The following DMD variants were observed in gnomAD, a reference collection of about 807,000 sequenced individuals.
DMD encodes dystrophin.
In DMD, 63 loss-of-function variants were observed where a neutral mutation model predicts 330.1. The observed-to-expected ratio is 0.19, with a 90% CI of 0.16 to 0.24. The LOEUF (loss-of-function observed/expected upper bound fraction) is 0.24, where lower values mean the gene tolerates loss of function less well. DMD is among the 10% of genes least tolerant of loss of function. The probability of loss-of-function intolerance (pLI) is 1.00; values close to 1 mark genes in which losing one functional copy is unlikely to be tolerated. For synonymous variants in DMD, 1,223 were observed against 959.8 expected (o/e 1.27, Z -5.07); for missense variants, 3,344 against 2,684.1 (o/e 1.25, Z -5.43).
chrX:31,724,617 C>T (rs1476427456), intron 52 of DMD, among the ~76,000 whole-genome samples: 1 of 111,695 alleles, frequency 9.0e-6, no homozygotes, highest in African/African-American at 3.3e-5. Flanking sequence ...TTTCAGAAGT[C>T]CTTCCCTTGG....
intron 12 of DMD, among the ~76,000 whole-genome samples, chrX:32,605,581 C>CAA (rs200645650): frequency 1.8e-5 from 2 of 108,680 alleles, no homozygotes; most frequent in Non-Finnish European, 3.9e-5. Context: ...AACAAACAAA[C>CAA]AAAAAAACAA....
intron 6 of DMD, among the ~76,000 whole-genome samples, chrX:32,813,775 C>A (rs746364742): frequency 9.0e-6 from 1 of 110,987 alleles, no homozygotes; most frequent in Non-Finnish European, 1.9e-5. Flanking sequence ...ATGATTTTCT[C>A]GTTTTTCATA....
intron 52 of DMD, among the ~76,000 whole-genome samples, chrX:31,720,877 T>C (rs1057236966): frequency 1.8e-5 from 2 of 111,642 alleles, no homozygotes; most frequent in African/African-American, 6.5e-5. Context: ...ACAGGTAATT[T>C]GGATTTTAAA....
In DMD at chrX:32,996,283, G is replaced by A. The variant is rs146688820; in HGVS notation, c.93+23856C>T. Among the ~76,000 whole-genome samples the A allele has an allele frequency of 8.8e-3, 985 of 111,417 alleles. 9 individuals carry two copies. The highest frequency in any genetic ancestry group is 0.029 in the African/African-American group (901 of 30,708). On this transcript the variant is annotated intron_variant, in intron 2 of 78. Coordinates refer to ENST00000357033, the MANE Select transcript of DMD (RefSeq NM_004006.3). ...TTGGATAAAATAATGAGAAAAAAAT[G>A]TTCAATCAAAGGTGGATGGTAAATA...
At chrX:32,291,149 A>G (rs1418912093) in intron 42 of DMD, among the ~76,000 whole-genome samples, 1 of 111,998 alleles carries the variant, frequency 8.9e-6, no homozygotes, top group Non-Finnish European at 1.9e-5. Flanking sequence ...TTTGAATCTC[A>G]ACAGAAAATT....
intron 1 of DMD, among the ~76,000 whole-genome samples, chrX:33,080,283 ATT>A (rs978282202): frequency 1.8e-5 from 2 of 108,984 alleles, no homozygotes; most frequent in African/African-American, 3.3e-5. Context: ...TACCCACAGA[ATT>A]TTTTTTTTCA....
At chrX:31,454,988 A>C (rs980899946) in intron 59 of DMD, among the ~76,000 whole-genome samples, 5 of 67,501 alleles carry the variant, frequency 7.4e-5, no homozygotes, top group Non-Finnish European at 1.1e-4. Context: ...GGATCTCTCT[A>C]TGTTTTCCAG....
At position 32,310,242 on chromosome X, in the gene DMD, G is replaced by A. The variant is rs899430446; in HGVS notation, c.5957C>T (p.Thr1986Ile). 1 of 1,209,327 alleles carries A rather than the reference G, an allele frequency of 8.3e-7. No individual in the cohort carries two copies. Among genetic ancestry groups the A allele is most frequent in the African/African-American group, 1.7e-5 (1 of 57,633 alleles). ...TVREETMMVM[T>I]EDMPLEISYV... ...AGAAATTTCCAAAGGCATGTCTTCA[G>A]TCATCACCATCATCGTTTCTTCACG... The change falls in exon 42 of 79, where the codon ACT becomes ATT. Residue 1986 changes from threonine to isoleucine, a missense_variant. By Grantham distance (89) the Thr-to-Ile change is moderately conservative. Transcript: ENST00000357033.
chrX:32,570,181 G>C (rs375836475), intron 15 of DMD, among the ~76,000 whole-genome samples: 1 of 111,542 alleles, frequency 9.0e-6, no homozygotes, highest in South Asian at 3.8e-4. Flanking sequence ...AAAGAGAAGA[G>C]AGTTTAGCAC....
At chrX:32,388,849 CAGTT>C (rs948134636) in intron 32 of DMD, among the ~76,000 whole-genome samples, 1 of 111,238 alleles carries the variant, frequency 9.0e-6, no homozygotes, top group African/African-American at 3.3e-5. Context: ...GGAATCATCT[CAGTT>C]GGTGAGTTTC....
At position 32,826,397 on chromosome X, in the gene DMD, T is replaced by C. The variant is rs189754635; in HGVS notation, c.265-3010A>G. On this transcript the variant is annotated intron_variant, in intron 4 of 78. Transcript: ENST00000357033. ...AATAACTGCACTTCAATGTATATTG[T>C]AGTGCTACTCAAAATAGCGAAGATA... 3.4e-3 allele frequency among the ~76,000 whole-genome samples: 379 copies of C among 111,773 alleles called. 1 individual carries two copies. The highest frequency in any genetic ancestry group is 7.4e-3 in the South Asian group (20 of 2,694).
chrX:33,283,976 C>A (rs759398580), intron 1 of DMD, among the ~76,000 whole-genome samples: 7 of 110,922 alleles, frequency 6.3e-5, no homozygotes, highest in Non-Finnish European at 1.3e-4. Flanking sequence ...CAAGATCGCG[C>A]CACTGCACTC....
At chrX:31,479,617 G>C (rs2068086346) in intron 57 of DMD, among the ~76,000 whole-genome samples, 1 of 112,153 alleles carries the variant, frequency 8.9e-6, no homozygotes, top group Non-Finnish European at 1.9e-5. Flanking sequence ...GGTAAGCTAA[G>C]AGAAAAGTCT....
chrX:33,165,909 G>A (rs1158022952), intron 1 of DMD, among the ~76,000 whole-genome samples: 1 of 111,645 alleles, frequency 9.0e-6, no homozygotes, highest in Non-Finnish European at 1.9e-5. Context: ...GTTAAAACAA[G>A]AAAGCTCTAG....
intron 59 of DMD, among the ~76,000 whole-genome samples, chrX:31,475,892 C>T (rs2067706923): frequency 9.0e-6 from 1 of 111,523 alleles, no homozygotes; most frequent in Non-Finnish European, 1.9e-5. Flanking sequence ...TTTATAACTA[C>T]CTGTCCAGCA....
At chrX:32,627,355 A>G (rs1205156582) in intron 11 of DMD, among the ~76,000 whole-genome samples, 1 of 104,253 alleles carries the variant, frequency 9.6e-6, no homozygotes, top group Admixed American at 1.0e-4. Flanking sequence ...CAAGTACTAA[A>G]ATATCTATTA....
chrX:32,533,980 C>T (rs1186386147), intron 17 of DMD, among the ~76,000 whole-genome samples: 1 of 111,926 alleles, frequency 8.9e-6, no homozygotes, highest in Non-Finnish European at 1.9e-5. Context: ...CTTAATGCCC[C>T]ACTGCCAGCA....
chrX:33,107,885 T>C (rs1230414501), intron 1 of DMD, among the ~76,000 whole-genome samples: 1 of 111,818 alleles, frequency 8.9e-6, no homozygotes, highest in East Asian at 2.8e-4. Flanking sequence ...GGAATATTTT[T>C]CCTTAAATGA....
intron 61 of DMD, 198 bp downstream of exon 61, chrX:31,348,358 C>T (rs2058213689): frequency 2.2e-6 from 1 of 460,135 alleles, no homozygotes; most frequent in African/African-American, 2.4e-5. Flanking sequence ...GAAGACTGGA[C>T]AAAATGATCC....
Sources: gnomAD v4.1 joint callset for allele counts (sites outside exome capture counted in the v4.1 genomes callset) on GRCh38, gnomAD v4.1.1 for gene constraint, MANE v1.5 for transcripts, NCBI Gene and HGNC (gene_info 2026-07-23, HGNC 2026-07-21) for gene names.